ATL1: variants seen among roughly 807,000 people sequenced by gnomAD.
The protein encoded by ATL1 is atlastin-1.
A neutral mutation model predicts 75.5 loss-of-function variants in ATL1; 31 were observed. The observed-to-expected ratio is 0.41, with a 90% CI of 0.31 to 0.55. The LOEUF (loss-of-function observed/expected upper bound fraction) is 0.55, where lower values mean the gene tolerates loss of function less well. Ranked by LOEUF, ATL1 falls within the 20% of genes least tolerant of loss-of-function variation. ATL1 has a pLI of 0.27. For synonymous variants in ATL1, 226 were observed against 233.3 expected (o/e 0.97, Z 0.28); for missense variants, 405 against 662.6 (o/e 0.61, Z 4.27).
At chr14:50,536,143 A>G (rs746834032) in intron 1 of ATL1, among the ~76,000 whole-genome samples, 7 of 152,230 alleles carry the variant, frequency 4.6e-5, no homozygotes, top group Non-Finnish European at 7.3e-5. Context: ...GCATGAAAAC[A>G]GACTAATACA....
intron 11 of ATL1, among the ~76,000 whole-genome samples, chr14:50,625,953 A>T (rs1161655375): frequency 6.6e-6 from 1 of 152,076 alleles, no homozygotes; most frequent in African/African-American, 2.4e-5. Context: ...TTTGTGCGCT[A>T]TTAATGGAAG....
intron 4 of ATL1, among the ~76,000 whole-genome samples, chr14:50,592,297 G>A (rs2039166387): frequency 6.6e-6 from 1 of 151,960 alleles, no homozygotes; most frequent in East Asian, 1.9e-4. Flanking sequence ...ACTGGCAAAA[G>A]CAAAAAGAGA....
At chr14:50,602,469 C>G in intron 6 of ATL1, among the ~76,000 whole-genome samples, 1 of 152,168 alleles carries the variant, frequency 6.6e-6, no homozygotes, top group East Asian at 1.9e-4. Context: ...TTCATGCCTT[C>G]TAATTATGTA....
At chr14:50,567,181 CTT>C (rs2140181743) in intron 1 of ATL1, among the ~76,000 whole-genome samples, 1 of 152,270 alleles carries the variant, frequency 6.6e-6, no homozygotes, top group African/African-American at 2.4e-5. Context: ...TTCACTATGA[CTT>C]TGACTACTCT....
chr14:50,551,393 C>CA (rs199519048), intron 1 of ATL1, among the ~76,000 whole-genome samples: 129 of 149,010 alleles, frequency 8.7e-4, no homozygotes, highest in Admixed American at 1.8e-3. Flanking sequence ...TTAAAATTGC[C>CA]AAAAAAAAAA....
At chr14:50,538,089 G>A (rs973654018) in intron 1 of ATL1, among the ~76,000 whole-genome samples, 1 of 152,198 alleles carries the variant, frequency 6.6e-6, no homozygotes, top group African/African-American at 2.4e-5. Context: ...CCACGTGAGA[G>A]AGGGACCTGG....
chr14:50,582,377 C>A (rs987369512), intron 1 of ATL1, among the ~76,000 whole-genome samples: 5 of 151,594 alleles, frequency 3.3e-5, no homozygotes, highest in African/African-American at 1.2e-4. Context: ...TTCAAAGAAC[C>A]GTTCACTCCA....
upstream of ATL1, among the ~76,000 whole-genome samples, chr14:50,557,188 T>G (rs571078294): frequency 6.6e-6 from 1 of 152,218 alleles, no homozygotes; most frequent in Non-Finnish European, 1.5e-5. Context: ...TAGTAAGCAT[T>G]TTAAAACTTA....
At chr14:50,625,041 C>G (rs778054817) in intron 11 of ATL1, among the ~76,000 whole-genome samples, 5 of 151,638 alleles carry the variant, frequency 3.3e-5, no homozygotes, top group Non-Finnish European at 7.4e-5. Context: ...CTGCACTGCA[C>G]TCCAGCCTGG....
intron 2 of ATL1, among the ~76,000 whole-genome samples, chr14:50,590,659 G>A (rs2039147395): frequency 6.6e-6 from 1 of 152,012 alleles, no homozygotes. Context: ...GCATCATAAT[G>A]GTTTGTTTGC....
intron 6 of ATL1, among the ~76,000 whole-genome samples, chr14:50,608,247 T>C (rs893939502): frequency 2.0e-5 from 3 of 152,084 alleles, no homozygotes; most frequent in African/African-American, 7.2e-5. Context: ...TGATGGATTT[T>C]GACATAAAGA....
At chr14:50,617,313 C>G (rs917376441) in intron 8 of ATL1, among the ~76,000 whole-genome samples, 2 of 152,176 alleles carry the variant, frequency 1.3e-5, no homozygotes, top group Non-Finnish European at 2.9e-5. Flanking sequence ...TTATTGGGTG[C>G]TTACTGAATA....
chr14:50,576,080 C>T (rs1378546110), intron 1 of ATL1, among the ~76,000 whole-genome samples: 1 of 152,172 alleles, frequency 6.6e-6, no homozygotes, highest in Non-Finnish European at 1.5e-5. Context: ...CAGTAGAAAT[C>T]ATACTTCAAG....
chr14:50,600,781 T>C (rs2039264403), intron 6 of ATL1, among the ~76,000 whole-genome samples: 1 of 152,094 alleles, frequency 6.6e-6, no homozygotes, highest in Admixed American at 6.5e-5. Flanking sequence ...TGAGGGATAA[T>C]GAAATTTTAA....
chr14:50,562,421 C>G (rs1321879759), intron 1 of ATL1, among the ~76,000 whole-genome samples: 1 of 152,146 alleles, frequency 6.6e-6, no homozygotes, highest in Non-Finnish European at 1.5e-5. Context: ...AAAAATCACA[C>G]AGGGACTTAT....
intron 1 of ATL1, among the ~76,000 whole-genome samples, chr14:50,581,818 GCT>G (rs2039057677): frequency 1.3e-5 from 2 of 152,074 alleles, no homozygotes; most frequent in South Asian, 4.1e-4. Context: ...GATAGGTAAG[GCT>G]GGCTACTGGC....
intron 6 of ATL1, among the ~76,000 whole-genome samples, chr14:50,609,366 G>T (rs774519163): frequency 4.0e-5 from 6 of 151,880 alleles, no homozygotes; most frequent in Admixed American, 1.3e-4. Context: ...AAAAGTAGGA[G>T]AATGAGGAGA....
intron 4 of ATL1, among the ~76,000 whole-genome samples, chr14:50,592,909 G>C (rs1282039827): frequency 5.3e-5 from 5 of 94,658 alleles, no homozygotes; most frequent in African/African-American, 2.6e-4. Context: ...CGAGACTCCC[G>C]TCTCAAAAAA....
chr14:50,584,359 A>AGAGT (rs2039082487), intron 1 of ATL1, among the ~76,000 whole-genome samples: 2 of 152,170 alleles, frequency 1.3e-5, no homozygotes, highest in South Asian at 4.2e-4. Context: ...CCTGGGTAAC[A>AGAGT]GAGTGAGACC....
Sources: gnomAD v4.1 joint callset for allele counts (sites outside exome capture counted in the v4.1 genomes callset) on GRCh38, gnomAD v4.1.1 for gene constraint, MANE v1.5 for transcripts, NCBI Gene and HGNC (gene_info 2026-07-23, HGNC 2026-07-21) for gene names.